Variants in SKI observed in about 807,000 individuals in gnomAD.
SKI encodes SKI proto-oncogene, also known as ski oncogene.
In SKI, 23 loss-of-function variants were observed where a neutral mutation model predicts 59.3. The observed-to-expected ratio is 0.39, with a 90% CI of 0.28 to 0.55. The LOEUF (loss-of-function observed/expected upper bound fraction) is 0.55. Ranked by LOEUF, SKI falls within the 20% of genes least tolerant of loss-of-function variation. The probability of loss-of-function intolerance (pLI) is 0.67; values close to 1 mark genes in which losing one functional copy is unlikely to be tolerated. For missense variants in SKI, 1,017 were observed against 1,038.9 expected (o/e 0.98, Z 0.29); for synonymous variants, 673 against 488.6 (o/e 1.38, Z -4.98).
At chr1:2,255,084 T>A (rs1321640183) in intron 1 of SKI, among the ~76,000 whole-genome samples, 1 of 152,094 alleles carries the variant, frequency 6.6e-6, no homozygotes, top group Non-Finnish European at 1.5e-5. Context: ...GCCTTTCTTT[T>A]GTCTTTTATC....
At chr1:2,304,222 C>T (rs1640507080) in intron 4 of SKI, 71 bp from the exon 5 acceptor site, 11 of 1,555,262 alleles carry the variant, frequency 7.1e-6, no homozygotes, top group African/African-American at 2.7e-5. Flanking sequence ...CCTCCGGGAG[C>T]GGCGCGTCTC....
At chr1:2,302,933 G>GC in intron 1 of SKI, 45 bp from the exon 2 acceptor site, 1 of 1,612,942 alleles carries the variant, frequency 6.2e-7, no homozygotes, top group South Asian at 1.1e-5. Flanking sequence ...GAGGGACCCT[G>GC]CCCTGGGAAC....
rs755404233 is a variant in SKI, at chr1:2,304,019, C to T, written c.1391C>T (p.Ala464Val). 7 of 1,612,402 alleles carry T rather than the reference C, an allele frequency of 4.3e-6. No individual in the cohort carries two copies. The highest frequency in any genetic ancestry group is 3.3e-5 in the Admixed American group (2 of 59,980). ...AAGCTGACTGTGGACACCCCAGGAG[C>T]CCCAGAGACGCTGGCGCCCGTGGCT... ...KRKLTVDTPG[A>V]PETLAPVAAP... Residue 464 changes from alanine to valine, a missense_variant, in exon 4 of 7, where the codon GCC (alanine) becomes GTC (valine). By Grantham distance (64) the Ala-to-Val change is moderately conservative. Coordinates refer to ENST00000378536, the MANE Select transcript of SKI (RefSeq NM_003036.4).
At chr1:2,236,268 C>T (rs979433958) in intron 1 of SKI, among the ~76,000 whole-genome samples, 7 of 152,190 alleles carry the variant, frequency 4.6e-5, no homozygotes, top group African/African-American at 1.4e-4. Context: ...CGCCTGGTCA[C>T]GTCTGGGTCC....
At chr1:2,254,199 T>C (rs1015521772) in intron 1 of SKI, among the ~76,000 whole-genome samples, 2 of 152,172 alleles carry the variant, frequency 1.3e-5, no homozygotes, top group Non-Finnish European at 2.9e-5. Flanking sequence ...CAGACACTGA[T>C]TGTGAAGAAT....
intron 1 of SKI, among the ~76,000 whole-genome samples, chr1:2,265,573 C>T (rs929361859): frequency 7.2e-5 from 11 of 152,120 alleles, no homozygotes; most frequent in South Asian, 4.1e-4. Flanking sequence ...TGGTTGTTTG[C>T]GATGGATGGA....
At chr1:2,264,435 A>AT in intron 1 of SKI, among the ~76,000 whole-genome samples, 1 of 151,566 alleles carries the variant, frequency 6.6e-6, no homozygotes, top group Non-Finnish European at 1.5e-5. Context: ...CACCTGGCTA[A>AT]TTTTTTGTAT....
chr1:2,289,652 C>T (rs948394746), intron 1 of SKI, among the ~76,000 whole-genome samples: 4 of 149,170 alleles, frequency 2.7e-5, no homozygotes, highest in East Asian at 2.0e-4. Flanking sequence ...GTCGTGCTCC[C>T]GGGGCTGGCT....
chr1:2,238,526 TC>T, intron 1 of SKI, among the ~76,000 whole-genome samples: 1 of 152,270 alleles, frequency 6.6e-6, no homozygotes, highest in East Asian at 1.9e-4. Flanking sequence ...CCTTGAGACT[TC>T]CCTCTGCAGA....
At chr1:2,248,612 A>G (rs553277205) in intron 1 of SKI, among the ~76,000 whole-genome samples, 60 of 152,324 alleles carry the variant, frequency 3.9e-4, no homozygotes, top group African/African-American at 1.4e-3. Flanking sequence ...GCGCTGGTTC[A>G]GAAAAGCCGT....
intron 1 of SKI, among the ~76,000 whole-genome samples, chr1:2,275,811 G>A (rs1395592563): frequency 2.0e-5 from 3 of 152,180 alleles, no homozygotes; most frequent in African/African-American, 2.4e-5. Context: ...GCACTGGCCA[G>A]CGTTTATCTT....
chr1:2,235,567 G>A (rs899335182), intron 1 of SKI, among the ~76,000 whole-genome samples: 1 of 152,206 alleles, frequency 6.6e-6, no homozygotes, highest in Non-Finnish European at 1.5e-5. Flanking sequence ...TTCCAGAAGG[G>A]CCCCGCTTCC....
chr1:2,303,221 C>T lies in SKI; in HGVS notation c.1096-64C>T, dbSNP rs565306331. 7.5e-6 allele frequency: 12 copies of T among 1,602,366 alleles called. No homozygotes were observed. The highest frequency in any genetic ancestry group is 5.5e-5 in the South Asian group (5 of 90,886). On this transcript the variant is annotated intron_variant, in intron 2 of 6. Transcript: ENST00000378536. The surrounding 1 kb of genome is among the most constrained non-coding windows in gnomAD (Gnocchi z 5.6). Reference sequence around the variant, plus strand: ...ACTGAGGGCTGGCACCCGGCGCAGCCTCAGGGACATGAAGTGGCTTGTTTT... The same window carrying T: ...ACTGAGGGCTGGCACCCGGCGCAGCTTCAGGGACATGAAGTGGCTTGTTTT...
At chr1:2,237,968 C>T (rs1569685504) in intron 1 of SKI, among the ~76,000 whole-genome samples, 2 of 152,332 alleles carry the variant, frequency 1.3e-5, no homozygotes, top group South Asian at 4.1e-4. Flanking sequence ...TGATCACCCT[C>T]GTGTGGCGGG....
At chr1:2,243,509 C>T (rs547107797) in intron 1 of SKI, among the ~76,000 whole-genome samples, 7 of 152,332 alleles carry the variant, frequency 4.6e-5, no homozygotes, top group South Asian at 2.1e-4. Flanking sequence ...TCAGTGTCAC[C>T]GTGCAGCTTT....
intron 6 of SKI, 59 bp downstream of exon 6, chr1:2,306,309 C>G (rs1044509732): frequency 9.3e-5 from 133 of 1,429,644 alleles, no homozygotes; most frequent in Admixed American, 1.3e-4. Context: ...GCCGTGGGCC[C>G]CGGTGGCCAG....
chr1:2,238,865 C>T (rs1638805977), intron 1 of SKI, among the ~76,000 whole-genome samples: 1 of 152,220 alleles, frequency 6.6e-6, no homozygotes, highest in South Asian at 2.1e-4. Flanking sequence ...CCCCAGGCTG[C>T]CTTCTGGGTT....
At chr1:2,254,471 C>T (rs1639231562) in intron 1 of SKI, among the ~76,000 whole-genome samples, 3 of 152,228 alleles carry the variant, frequency 2.0e-5, no homozygotes, top group Admixed American at 2.0e-4. Flanking sequence ...GGCTTGAGGT[C>T]CTACTTAGAT....
rs552283979 is a variant in SKI, at chr1:2,270,841, G to A, written c.970-32137G>A. ...GACTCTCCAGAGGACCAGCATGGAG[G>A]TGCACAAGTTCACATTTGTCCCTCT... On this transcript the variant is annotated intron_variant, in intron 1 of 6. Transcript: ENST00000378536. This position sits in a 1 kb window ranked among gnomAD's most constrained non-coding sequence, Gnocchi z 4.1. Among the ~76,000 whole-genome samples the A allele has an allele frequency of 2.6e-5, 4 of 152,314 alleles. No individual in the cohort carries two copies. In the East Asian group the frequency reaches 5.8e-4, roughly 22 times the overall value.
Sources: allele counts gnomAD v4.1 joint callset (sites outside exome capture counted in the v4.1 genomes callset), GRCh38; gene constraint gnomAD v4.1.1; non-coding constraint Gnocchi (gnomAD v3.1); transcripts MANE v1.5; gene names NCBI Gene and HGNC (gene_info 2026-07-23, HGNC 2026-07-21).